TTLL11: variants seen among roughly 807,000 people sequenced by gnomAD.
TTLL11 encodes tubulin tyrosine ligase like 11, also known as tubulin polyglutamylase TTLL11.
In TTLL11, 42 loss-of-function variants were observed where a neutral mutation model predicts 51.7. The ratio of observed to expected loss-of-function variants is 0.81; its 90% CI spans 0.64 to 1.05. TTLL11 has a LOEUF of 1.05. Ranked by LOEUF, TTLL11 falls within the 50% of genes least tolerant of loss-of-function variation. The probability of loss-of-function intolerance (pLI) is 0.00; values close to 1 mark genes in which losing one functional copy is unlikely to be tolerated. For synonymous variants in TTLL11, 381 were observed against 383.5 expected (o/e 0.99, Z 0.08); for missense variants, 799 against 940.4 (o/e 0.85, Z 1.97).
At chr9:121,926,539 C>T (rs1228118022) in intron 6 of TTLL11, among the ~76,000 whole-genome samples, 2 of 152,218 alleles carry the variant, frequency 1.3e-5, no homozygotes, top group South Asian at 2.1e-4. Context: ...GGAGGTGGTG[C>T]TCTTCCTGGC....
At chr9:121,946,507 C>A (rs1302281854) in intron 6 of TTLL11, among the ~76,000 whole-genome samples, 1 of 152,138 alleles carries the variant, frequency 6.6e-6, no homozygotes, top group Non-Finnish European at 1.5e-5. Flanking sequence ...ATACCTGGGG[C>A]CAGCCTTCAA....
intron 6 of TTLL11, among the ~76,000 whole-genome samples, chr9:121,898,736 C>T (rs1275125866): frequency 6.6e-6 from 1 of 152,190 alleles, no homozygotes; most frequent in Non-Finnish European, 1.5e-5. Context: ...TCACTGCAGC[C>T]TCAAACCTCT....
chr9:121,842,446 G>A (rs1837386160), intron 8 of TTLL11, among the ~76,000 whole-genome samples: 1 of 152,118 alleles, frequency 6.6e-6, no homozygotes, highest in Admixed American at 6.5e-5. Context: ...CTTTGTGTAT[G>A]TGTGTGTAGA....
intron 3 of TTLL11, among the ~76,000 whole-genome samples, chr9:122,012,428 T>TAG (rs934674456): frequency 5.3e-5 from 8 of 151,086 alleles, no homozygotes; most frequent in African/African-American, 9.7e-5. Context: ...AGCTTGCCAT[T>TAG]AGAGAGAGAG....
At chr9:121,975,617 C>A (rs1052577296) in intron 4 of TTLL11, among the ~76,000 whole-genome samples, 1 of 152,142 alleles carries the variant, frequency 6.6e-6, no homozygotes, top group African/African-American at 2.4e-5. Flanking sequence ...AAGGCTGAAG[C>A]AGGATAATTG....
intron 1 of TTLL11, among the ~76,000 whole-genome samples, chr9:122,077,370 T>C (rs746646498): frequency 6.6e-6 from 1 of 152,136 alleles, no homozygotes; most frequent in Non-Finnish European, 1.5e-5. Flanking sequence ...AAAAGCATAC[T>C]AAAGATCCTT....
intron 2 of TTLL11, among the ~76,000 whole-genome samples, chr9:122,036,961 A>C (rs10818618): frequency 0.2 from 30,826 of 152,144 alleles, 3,448 homozygotes; most frequent in Non-Finnish European, 0.24. Flanking sequence ...TGTTCCAATC[A>C]CCGGCATGTG....
intron 3 of TTLL11, among the ~76,000 whole-genome samples, chr9:121,994,633 T>G (rs1301509917): frequency 6.6e-6 from 1 of 152,190 alleles, no homozygotes; most frequent in Non-Finnish European, 1.5e-5. Context: ...GAGAAGGGGA[T>G]GGAGGAAGAT....
intron 6 of TTLL11, among the ~76,000 whole-genome samples, chr9:121,904,525 G>A (rs891516440): frequency 2.6e-5 from 4 of 152,182 alleles, no homozygotes; most frequent in African/African-American, 7.2e-5. Flanking sequence ...CCACACCAGC[G>A]GATTCAGCCC....
At chr9:122,082,714 C>T (rs745789743) in intron 1 of TTLL11, among the ~76,000 whole-genome samples, 10 of 151,924 alleles carry the variant, frequency 6.6e-5, no homozygotes, top group African/African-American at 1.7e-4. Flanking sequence ...ACACTATCTA[C>T]GTGGTATAAC....
chr9:122,039,489 C>T (rs77550915), intron 1 of TTLL11, 121 bp from the exon 2 acceptor site: 21,897 of 670,326 alleles, frequency 0.033, 448 homozygotes, highest in African/African-American at 0.057. Flanking sequence ...CCTTATAATA[C>T]GCATATGAGG....
intron 1 of TTLL11, among the ~76,000 whole-genome samples, chr9:122,056,236 T>C (rs1845288261): frequency 6.6e-6 from 1 of 152,130 alleles, no homozygotes; most frequent in South Asian, 2.1e-4. Flanking sequence ...AAACCCAGCC[T>C]GAAATTCCCA....
At position 122,041,973 on chromosome 9, in the gene TTLL11, G is replaced by GA. The variant is rs956428745; in HGVS notation, c.463-2606dup. Among the ~76,000 whole-genome samples the GA allele has an allele frequency of 6.6e-3, 717 of 109,454 alleles. 8 individuals carry two copies. The highest frequency in any genetic ancestry group is 0.024 in the Middle Eastern group (4 of 166). 71.8% of individuals were successfully genotyped at this position (109,454 alleles called of 152,430 possible). On this transcript the variant is annotated intron_variant, in intron 1 of 8. Coordinates refer to ENST00000321582, the MANE Select transcript of TTLL11 (RefSeq NM_001139442.2). ...GACCCCAAATAGCAAAAACAATCTT[G>GA]AAAAAAAAAAAAAGAACCAAGTGGA...
intron 1 of TTLL11, among the ~76,000 whole-genome samples, chr9:122,073,998 C>T (rs140395682): frequency 3.9e-5 from 6 of 152,238 alleles, no homozygotes; most frequent in East Asian, 1.9e-4. Flanking sequence ...GCTGGCCGGG[C>T]GCAGTGGCTT....
chr9:121,878,736 C>T (rs920319139), intron 6 of TTLL11, among the ~76,000 whole-genome samples: 4 of 152,248 alleles, frequency 2.6e-5, no homozygotes, highest in African/African-American at 7.2e-5. Context: ...TCCCAATAAG[C>T]TTCTTTTCCA....
intron 6 of TTLL11, among the ~76,000 whole-genome samples, chr9:121,958,739 T>C (rs1262330314): frequency 6.6e-6 from 1 of 152,222 alleles, no homozygotes; most frequent in Non-Finnish European, 1.5e-5. Context: ...GAAGAATGAC[T>C]CATTTCCTGA....
At chr9:121,852,949 C>T (rs1042436256) in intron 8 of TTLL11, among the ~76,000 whole-genome samples, 1 of 152,212 alleles carries the variant, frequency 6.6e-6, no homozygotes, top group Non-Finnish European at 1.5e-5. Context: ...TCCTGTATTT[C>T]AGGGGGAGGG....
At position 122,009,882 on chromosome 9, in the gene TTLL11, A is replaced by T. The variant is rs12005813; in HGVS notation, c.694-20112T>A. Among the ~76,000 whole-genome samples the T allele has an allele frequency of 2.5e-3, 387 of 152,120 alleles. 2 individuals carry two copies. The highest frequency in any genetic ancestry group is 8.9e-3 in the African/African-American group (369 of 41,538). On this transcript the variant is annotated intron_variant, in intron 3 of 8. Coordinates refer to ENST00000321582, the MANE Select transcript of TTLL11 (RefSeq NM_001139442.2). ...AGGCTGATCTATTTTCTTCTTTGCT[A>T]TCTCTAGAGATGGCTACTATATATA...
At chr9:121,935,809 GTACC>G in intron 6 of TTLL11, among the ~76,000 whole-genome samples, 1 of 152,292 alleles carries the variant, frequency 6.6e-6, no homozygotes, top group Middle Eastern at 3.4e-3. Context: ...TCTGGCTCAG[GTACC>G]TGGATAAACT....
Sources: gnomAD v4.1 joint callset for allele counts (sites outside exome capture counted in the v4.1 genomes callset) on GRCh38, gnomAD v4.1.1 for gene constraint, MANE v1.5 for transcripts, NCBI Gene and HGNC (gene_info 2026-07-23, HGNC 2026-07-21) for gene names.